The following MLLT10 variants were observed in gnomAD, a reference collection of about 807,000 sequenced individuals.
MLLT10 encodes protein AF-10.
Under a neutral mutation model 129.1 loss-of-function variants are expected in MLLT10, and 30 were observed. The ratio of observed to expected loss-of-function variants is 0.23; its 90% CI spans 0.17 to 0.32. MLLT10 has a LOEUF of 0.32. MLLT10 is among the 10% of genes least tolerant of loss of function. The pLI is 1.00. For synonymous variants in MLLT10, 490 were observed against 446.4 expected, an observed-to-expected ratio of 1.10 and a Z score of -1.23; for missense variants, 1,119 against 1,268.3, an observed-to-expected ratio of 0.88 and a Z score of 1.79.
chr10:21,737,642 G>A (rs1249216938), intron 21 of MLLT10, among the ~76,000 whole-genome samples: 1 of 152,114 alleles, frequency 6.6e-6, no homozygotes, highest in East Asian at 1.9e-4. Context: ...AGATAAGAGG[G>A]GAGATGGGAA....
intron 3 of MLLT10, among the ~76,000 whole-genome samples, chr10:21,547,482 C>T (rs1335710332): frequency 6.6e-6 from 1 of 150,422 alleles, no homozygotes; most frequent in Non-Finnish European, 1.5e-5. Context: ...GTGATCCTCT[C>T]ACCTTAGCCT....
chr10:21,634,467 T>C (rs889180856), intron 8 of MLLT10, among the ~76,000 whole-genome samples: 3 of 152,246 alleles, frequency 2.0e-5, no homozygotes, highest in Non-Finnish European at 2.9e-5. Flanking sequence ...ATACTAAATT[T>C]GATCCCTTGG....
At chr10:21,678,186 C>T (rs189010988) in intron 11 of MLLT10, among the ~76,000 whole-genome samples, 334 of 152,222 alleles carry the variant, frequency 2.2e-3, no homozygotes, top group African/African-American at 4.9e-3. Flanking sequence ...CTCACTGCCA[C>T]CTCTGCCTCC....
At chr10:21,709,230 C>CTTTTTTTTTT (rs33993302) in intron 13 of MLLT10, among the ~76,000 whole-genome samples, 1 of 143,550 alleles carries the variant, frequency 7.0e-6, no homozygotes. Context: ...ATTTTATCTG[C>CTTTTTTTTTT]TTTTTTTTTT....
At chr10:21,633,602 G>A (rs1459903117) in intron 8 of MLLT10, among the ~76,000 whole-genome samples, 1 of 152,160 alleles carries the variant, frequency 6.6e-6, no homozygotes, top group Non-Finnish European at 1.5e-5. Flanking sequence ...GGCTGAGGTG[G>A]GAGGATTGCT....
chr10:21,635,805 C>T (rs547281758), intron 8 of MLLT10, among the ~76,000 whole-genome samples: 60 of 151,654 alleles, frequency 4.0e-4, no homozygotes, highest in African/African-American at 1.4e-3. Context: ...CAGCTCACTG[C>T]CACCTCCGCC....
intron 3 of MLLT10, among the ~76,000 whole-genome samples, chr10:21,564,041 T>C (rs1423124209): frequency 2.0e-5 from 3 of 152,060 alleles, no homozygotes; most frequent in African/African-American, 7.2e-5. Flanking sequence ...CTCGATCTCC[T>C]AACCTCGTGA....
chr10:21,569,764 T>G (rs2040000683), intron 3 of MLLT10, among the ~76,000 whole-genome samples: 1 of 151,174 alleles, frequency 6.6e-6, no homozygotes, highest in African/African-American at 2.4e-5. Context: ...AGACCGGGTC[T>G]TCCTGTGTTG....
upstream of MLLT10, chr10:21,534,153 C>G (rs1362515775): frequency 2.7e-6 from 1 of 370,170 alleles, no homozygotes; most frequent in African/African-American, 2.1e-5. Context: ...AGGCCGGGGG[C>G]AGCCAACAGG....
intron 10 of MLLT10, among the ~76,000 whole-genome samples, chr10:21,672,168 A>AGT (rs55769872): frequency 0.12 from 16,177 of 134,150 alleles, 1,161 homozygotes; most frequent in African/African-American, 0.21. Flanking sequence ...CCAGGTTTTC[A>AGT]GTGTGTGTGT....
At chr10:21,688,644 TA>T (rs1002296022) in intron 13 of MLLT10, 9,125 of 739,208 alleles carry the variant, frequency 0.012, no homozygotes, top group South Asian at 0.018. Context: ...TATGTACTCA[TA>T]AAAAAAAAAT....
At chr10:21,701,929 T>C (rs2054963487) in intron 13 of MLLT10, among the ~76,000 whole-genome samples, 1 of 151,536 alleles carries the variant, frequency 6.6e-6, no homozygotes, top group African/African-American at 2.4e-5. Flanking sequence ...TCGTCTCGTC[T>C]CGTCTCTCTT....
chr10:21,625,108 A>G, intron 8 of MLLT10: 1 of 927,396 alleles, frequency 1.1e-6, no homozygotes, highest in Admixed American at 1.8e-5. Flanking sequence ...GGTTAGCCAT[A>G]TCCACCTCTC....
intron 8 of MLLT10, among the ~76,000 whole-genome samples, chr10:21,622,270 C>A (rs891160419): frequency 1.3e-5 from 2 of 150,712 alleles, no homozygotes; most frequent in Non-Finnish European, 3.0e-5. Flanking sequence ...GGATCCTCCT[C>A]CCTCAGCCTC....
rs568571738 is a variant in MLLT10 at position 21,534,865 on chromosome 10, C to A, written c.160+61C>A. On this transcript the variant is annotated intron_variant, in intron 2 of 22. Coordinates refer to ENST00000307729, the MANE Select transcript of MLLT10 (RefSeq NM_001195626.3). ...TGCGCCCAACGGTCACCGCCGCCCC[C>A]ACCTGGGCCGCAACCGCCGGCGCCC... The A allele has an allele frequency of 9.1e-4, 1,083 of 1,183,772 alleles. 14 individuals carry two copies. The South Asian group carries it at 0.02, about 22-fold the overall frequency. 73.3% of individuals were successfully genotyped at this position (1,183,772 alleles called of 1,614,324 possible).
At chr10:21,687,188 G>A (rs189615484) in intron 13 of MLLT10, among the ~76,000 whole-genome samples, 2 of 152,310 alleles carry the variant, frequency 1.3e-5, no homozygotes, top group Admixed American at 1.3e-4. Flanking sequence ...TATAGGTGCT[G>A]TAGGATGAGT....
At chr10:21,693,927 A>G (rs950040510) in intron 13 of MLLT10, among the ~76,000 whole-genome samples, 1 of 152,142 alleles carries the variant, frequency 6.6e-6, no homozygotes, top group East Asian at 1.9e-4. Context: ...TTTAGTGAAC[A>G]TGTTGTTTTC....
At chr10:21,616,252 A>T (rs2045240668) in intron 7 of MLLT10, among the ~76,000 whole-genome samples, 1 of 152,102 alleles carries the variant, frequency 6.6e-6, no homozygotes, top group South Asian at 2.1e-4. Context: ...TGATATAAAT[A>T]AAAAAATGGA....
At chr10:21,710,813 A>T (rs2056008248) in intron 13 of MLLT10, among the ~76,000 whole-genome samples, 1 of 152,164 alleles carries the variant, frequency 6.6e-6, no homozygotes, top group African/African-American at 2.4e-5. Context: ...GTTTGCTCAT[A>T]TGTGAAATGG....
Sources: allele counts gnomAD v4.1 joint callset (sites outside exome capture counted in the v4.1 genomes callset), GRCh38; gene constraint gnomAD v4.1.1; transcripts MANE v1.5; gene names NCBI Gene and HGNC (gene_info 2026-07-23, HGNC 2026-07-21).